Variants in UBXN10 observed in about 807,000 individuals in gnomAD.
UBXN10 encodes UBX domain-containing protein 10.
UBXN10 carries 6 observed loss-of-function variants against 6.9 expected under a neutral mutation model. That is an observed-to-expected ratio of 0.87 (90% CI 0.48 to 1.72). The LOEUF (loss-of-function observed/expected upper bound fraction) is 1.72. UBXN10 is among the 40% of genes most tolerant of loss of function. The probability of loss-of-function intolerance (pLI) is 0.01; values close to 1 mark genes in which losing one functional copy is unlikely to be tolerated. For missense variants in UBXN10, 317 were observed against 348.4 expected, an observed-to-expected ratio of 0.91 and a Z score of 0.72; for synonymous variants, 131 against 135.2, an observed-to-expected ratio of 0.97 and a Z score of 0.21.
chr1:20,194,304 G>A lies in UBXN10; in HGVS notation c.*2900G>A, dbSNP rs1336207576. On this transcript the variant is annotated 3_prime_UTR_variant, in exon 2 of 2. Coordinates refer to ENST00000375099, the MANE Select transcript of UBXN10 (RefSeq NM_152376.5). The stretch of plus-strand genomic sequence containing the variant: ...GGTAAATTAGTCTTGGCAGCAGAAG[G>A]AACAGCAGGAGAAGTAAGTGATTCA... The A allele has an allele frequency of 6.0e-6, 1 of 167,104 alleles. No individual in the cohort carries two copies. The highest frequency in any genetic ancestry group is 6.5e-5 in the Admixed American group (1 of 15,284). 10.4% of individuals were successfully genotyped at this position (167,104 alleles called of 1,614,324 possible).
chr1:20,188,883 G>A lies in UBXN10; in HGVS notation c.-15-1664G>A, dbSNP rs370612367. ...ATAGGAAGCACTAAACAGACAACCC[G>A]AAGCAAACAACGACGACAACAAAAA... On this transcript the variant is annotated intron_variant, in intron 1 of 1. Coordinates refer to ENST00000375099, the MANE Select transcript of UBXN10 (RefSeq NM_152376.5). 9.1e-4 allele frequency among the ~76,000 whole-genome samples: 139 copies of A among 152,258 alleles called. 2 individuals are homozygous for A. In the South Asian group the frequency reaches 0.022, roughly 24 times the overall value.
Position 20,195,610 on chromosome 1 carries a change from A to T in UBXN10, c.*4206A>T, listed in dbSNP as rs1232972040. On this transcript the variant is annotated 3_prime_UTR_variant, in exon 2 of 2. Coordinates refer to ENST00000375099, the MANE Select transcript of UBXN10 (RefSeq NM_152376.5). ...CGCCAACGTGGATTGTTTCTGCAAA[A>T]ACAAACAAGCAAACAACCACCACGG... The T allele has an allele frequency of 1.8e-5, 3 of 167,108 alleles. No individual in the cohort carries two copies. The highest frequency in any genetic ancestry group is 4.4e-5 in the Non-Finnish European group (3 of 68,106). 10.4% of individuals were successfully genotyped at this position (167,108 alleles called of 1,614,324 possible). A position where few individuals can be genotyped will look rare whatever the true frequency, so the allele number is the denominator to read the frequency against.
At position 20,192,131 on chromosome 1, in the gene UBXN10, T is replaced by C. The variant is rs932298664; in HGVS notation, c.*727T>C. The stretch of plus-strand genomic sequence containing the variant: ...TAGGTTTACAACTTCTGGGAGCTAC[T>C]CTGTGGGCTGAATTCTTCCAAAACC... On this transcript the variant is annotated 3_prime_UTR_variant, in exon 2 of 2. Coordinates refer to ENST00000375099, the MANE Select transcript of UBXN10 (RefSeq NM_152376.5). 1 of 167,152 alleles carries C rather than the reference T, an allele frequency of 6.0e-6. No homozygotes were observed. The highest frequency in any genetic ancestry group is 2.4e-5 in the African/African-American group (1 of 41,476). 10.4% of individuals were successfully genotyped at this position (167,152 alleles called of 1,614,324 possible).
At chr1:20,185,241 G>T (rs929210350), upstream of UBXN10, among the ~76,000 whole-genome samples, 17 of 152,216 alleles carry the variant, frequency 1.1e-4, no homozygotes, top group African/African-American at 3.9e-4. Flanking sequence ...GAGACCTCGT[G>T]TTTCTGTTAC....
chr1:20,186,075 G>A (rs1209539493), upstream of UBXN10: 2 of 141,822 alleles, frequency 1.4e-5, no homozygotes, highest in African/African-American at 5.1e-5. Context: ...CCCACCCTGC[G>A]GCGTTGCCCG....
Position 20,191,455 on chromosome 1 carries a change from T to G in UBXN10, c.*51T>G, listed in dbSNP as rs745597556. The G allele has an allele frequency of 3.2e-6, 5 of 1,560,596 alleles. No individual in the cohort carries two copies. In the South Asian group the frequency reaches 6.2e-5, roughly 19 times the overall value. On this transcript the variant is annotated 3_prime_UTR_variant, in exon 2 of 2. Coordinates refer to ENST00000375099, the MANE Select transcript of UBXN10 (RefSeq NM_152376.5). The surrounding 1 kb of genome is among the most constrained non-coding windows in gnomAD (Gnocchi z 4.5). Reference sequence around the variant, plus strand: ...TGGGTCTCTGAGCAAAGGAGCATGCTTGGGCGTTGTGGCCTCTTAGGCAGC... The same window carrying G: ...TGGGTCTCTGAGCAAAGGAGCATGCGTGGGCGTTGTGGCCTCTTAGGCAGC...
chr1:20,188,800 C>T (rs954696566), intron 1 of UBXN10, among the ~76,000 whole-genome samples: 1 of 152,104 alleles, frequency 6.6e-6, no homozygotes, highest in Non-Finnish European at 1.5e-5. Flanking sequence ...GTAGAATCAC[C>T]GAGGACACAC....
intron 1 of UBXN10, 104 bp from the exon 2 acceptor site, chr1:20,190,443 C>T: frequency 6.9e-7 from 1 of 1,445,088 alleles, no homozygotes; most frequent in Non-Finnish European, 9.2e-7. Context: ...TACTAGATGC[C>T]AGAAATTTGT....
In UBXN10 at chr1:20,190,675, G is replaced by A. The variant is rs2018477600; in HGVS notation, c.114G>A (p.Arg38=). 6 of 1,614,026 alleles carry A rather than the reference G, an allele frequency of 3.7e-6. No homozygotes were observed. The highest frequency in any genetic ancestry group is 1.3e-5 in the African/African-American group (1 of 74,892). The change falls in exon 2 of 2, where the codon AGG becomes AGA. Residue 38 remains arginine (R), a synonymous_variant. Coordinates refer to ENST00000375099, the MANE Select transcript of UBXN10 (RefSeq NM_152376.5). The part of the protein sequence containing the change: ...QPNSLNMHMI[R]PKSAKGRTRP... ...ACTCACTAAATATGCACATGATAAG[G>A]CCCAAGTCCGCCAAGGGACGGACAA...
At position 20,194,626 on chromosome 1, in the gene UBXN10, T is replaced by G. The variant is rs2018569707; in HGVS notation, c.*3222T>G. 1 of 167,122 alleles carries G rather than the reference T, an allele frequency of 6.0e-6. No individual in the cohort carries two copies. The highest frequency in any genetic ancestry group is 1.5e-5 in the Non-Finnish European group (1 of 68,128). 10.4% of individuals were successfully genotyped at this position (167,122 alleles called of 1,614,324 possible). ...AGGCATTCGAGGAACTAAACTTTGC[T>G]TTTGTTCATGCTCTTACCTGCCGTT... On this transcript the variant is annotated 3_prime_UTR_variant, in exon 2 of 2. Coordinates refer to ENST00000375099, the MANE Select transcript of UBXN10 (RefSeq NM_152376.5).
Position 20,191,476 on chromosome 1 carries a change from G to C in UBXN10, c.*72G>C. On this transcript the variant is annotated 3_prime_UTR_variant, in exon 2 of 2. Transcript: ENST00000375099. The surrounding 1 kb of genome is among the most constrained non-coding windows in gnomAD (Gnocchi z 4.5). The stretch of plus-strand genomic sequence containing the variant: ...ATGCTTGGGCGTTGTGGCCTCTTAG[G>C]CAGCCTGTTTCAAGTGCCATGTGGA... The C allele has an allele frequency of 6.5e-7, 1 of 1,537,214 alleles. No homozygotes were observed. The highest frequency in any genetic ancestry group is 2.3e-5 in the East Asian group (1 of 44,228).
At position 20,193,512 on chromosome 1, in the gene UBXN10, T is replaced by G. The variant is rs1260483637; in HGVS notation, c.*2108T>G. On this transcript the variant is annotated 3_prime_UTR_variant, in exon 2 of 2. Transcript: ENST00000375099. ...CGATAAAAACCAACTTGTGTGAAAC[T>G]GAGTCAGTGGAGAAGTGCATCTCGT... The G allele has an allele frequency of 6.0e-6, 1 of 167,082 alleles. No homozygotes were observed. The highest frequency in any genetic ancestry group is 1.5e-5 in the Non-Finnish European group (1 of 68,128). 10.3% of individuals were successfully genotyped at this position (167,082 alleles called of 1,614,324 possible).
intron 1 of UBXN10, among the ~76,000 whole-genome samples, chr1:20,189,830 C>T (rs1371716801): frequency 1.3e-5 from 2 of 152,214 alleles, no homozygotes; most frequent in African/African-American, 2.4e-5. Flanking sequence ...TGTATGGGTA[C>T]AGAGGACACA....
upstream of UBXN10, among the ~76,000 whole-genome samples, chr1:20,185,388 C>T (rs980232475): frequency 6.6e-6 from 1 of 152,054 alleles, no homozygotes; most frequent in Non-Finnish European, 1.5e-5. Flanking sequence ...GGTAATGGGC[C>T]AGGATAGGGA....
chr1:20,185,677 A>T (rs1042492709), upstream of UBXN10, among the ~76,000 whole-genome samples: 1 of 152,122 alleles, frequency 6.6e-6, no homozygotes, highest in Non-Finnish European at 1.5e-5. Flanking sequence ...AGAAGCATCC[A>T]CTCAGAGTTT....
At position 20,191,123 on chromosome 1, in the gene UBXN10, A is replaced by C; in HGVS notation, c.562A>C (p.Asn188His). The C allele has an allele frequency of 1.2e-6, 2 of 1,614,166 alleles. No individual in the cohort carries two copies. The highest frequency in any genetic ancestry group is 1.7e-6 in the Non-Finnish European group (2 of 1,180,024). Residue 188 changes from asparagine to histidine, a missense_variant, in exon 2 of 2, where the codon AAT becomes CAT. Transcript: ENST00000375099. This position sits in a 1 kb window ranked among gnomAD's most constrained non-coding sequence, Gnocchi z 4.5. ...TKKQGSSRAG[N>H]LEEPSDQEPR... Reference sequence around the variant, plus strand: ...GAAACAGGGCTCTTCCAGGGCTGGAAATCTGGAGGAACCATCGGACCAAGA... The same window carrying C: ...GAAACAGGGCTCTTCCAGGGCTGGACATCTGGAGGAACCATCGGACCAAGA...
Position 20,192,658 on chromosome 1 carries a change from A to T in UBXN10, c.*1254A>T. 6.0e-6 allele frequency: 1 copy of T among 167,208 alleles called. No individual in the cohort carries two copies. 10.4% of individuals were successfully genotyped at this position (167,208 alleles called of 1,614,324 possible). A position where few individuals can be genotyped will look rare whatever the true frequency, so the allele number is the denominator to read the frequency against. ...CCTTCAGAGTAGGGAACACTCAGACATTCTGTGCATGTTGTTCCCCCAAAG... is the reference window on the plus strand; with the variant it reads ...CCTTCAGAGTAGGGAACACTCAGACTTTCTGTGCATGTTGTTCCCCCAAAG... On this transcript the variant is annotated 3_prime_UTR_variant, in exon 2 of 2. Transcript: ENST00000375099.
intron 1 of UBXN10, 47 bp from the exon 2 acceptor site, chr1:20,190,500 C>A: frequency 6.5e-7 from 1 of 1,545,572 alleles, no homozygotes; most frequent in East Asian, 2.3e-5. Flanking sequence ...TCTAGGAGTC[C>A]CAGGAAGTTT....
Position 20,191,425 on chromosome 1 carries a change from G to A in UBXN10, c.*21G>A, listed in dbSNP as rs1309968331. 2 of 1,594,720 alleles carry A rather than the reference G, an allele frequency of 1.3e-6. No individual in the cohort carries two copies. Among genetic ancestry groups the A allele is most frequent in the African/African-American group, 2.7e-5 (2 of 74,350 alleles). ...CCTGAGTCCACAGCCACCCAGCTGA[G>A]GTCCTGGGTCTCTGAGCAAAGGAGC... On this transcript the variant is annotated 3_prime_UTR_variant, in exon 2 of 2. Transcript: ENST00000375099. The surrounding 1 kb of genome is among the most constrained non-coding windows in gnomAD (Gnocchi z 4.5).
Sources: allele counts gnomAD v4.1 joint callset (sites outside exome capture counted in the v4.1 genomes callset), GRCh38; gene constraint gnomAD v4.1.1; non-coding constraint Gnocchi (gnomAD v3.1); transcripts MANE v1.5; gene names NCBI Gene and HGNC (gene_info 2026-07-23, HGNC 2026-07-21).